The following MCM5 variants were observed in gnomAD, a reference collection of about 807,000 sequenced individuals.
MCM5 encodes DNA replication licensing factor MCM5.
A neutral mutation model predicts 79.9 loss-of-function variants in MCM5; 46 were observed. The ratio of observed to expected loss-of-function variants is 0.58; its 90% CI spans 0.45 to 0.74. MCM5 has a LOEUF of 0.74. Ranked by LOEUF, MCM5 falls within the 30% of genes least tolerant of loss-of-function variation. The probability of loss-of-function intolerance (pLI) is 0.00; values close to 1 mark genes in which losing one functional copy is unlikely to be tolerated. For missense variants in MCM5, 883 were observed against 1,017.0 expected (o/e 0.87, Z 1.79); for synonymous variants, 404 against 390.5 (o/e 1.03, Z -0.41).
rs746438340 is a variant in MCM5 at position 35,410,592 on chromosome 22, G to C, written c.753-152G>C. The C allele has an allele frequency of 8.4e-5, 62 of 733,742 alleles. No homozygotes were observed. The South Asian group carries it at 9.0e-4, about 11-fold the overall frequency. 45.5% of individuals were successfully genotyped at this position (733,742 alleles called of 1,614,324 possible). ...ACGTGGGGAGAGAGGCCGTTCTCTG[G>C]GCTCCGTGGGGCTGGAGCCAGCTCA... On this transcript the variant is annotated intron_variant, in intron 6 of 16. Transcript: ENST00000216122.
At chr22:35,434,531 A>C in the MCM5 span, among the ~76,000 whole-genome samples, 1 of 152,212 alleles carries the variant, frequency 6.6e-6, no homozygotes, top group African/African-American at 2.4e-5. Flanking sequence ...TGAGATGCCA[A>C]GATCAATTGG....
chr22:35,429,133 C>T (rs1302225668), downstream of MCM5, among the ~76,000 whole-genome samples: 1 of 151,816 alleles, frequency 6.6e-6, no homozygotes, highest in Admixed American at 6.6e-5. Flanking sequence ...TTACAGGTGC[C>T]TGCCACCATG....
chr22:35,400,301 TGG>T, intron 1 of MCM5, 93 bp downstream of exon 1: 1 of 928,214 alleles, frequency 1.1e-6, no homozygotes, highest in South Asian at 1.4e-5. Context: ...TCTCGGGAAC[TGG>T]GGTTGGAGTC....
chr22:35,424,118 C>A, intron 16 of MCM5, 36 bp from the exon 17 acceptor site: 2 of 1,406,824 alleles, frequency 1.4e-6, no homozygotes, highest in Non-Finnish European at 2.0e-6. Flanking sequence ...TCCCCTCGGG[C>A]AGCACGTGCC....
At chr22:35,423,381 G>A (rs758525351) in intron 16 of MCM5, 40 bp downstream of exon 16, 6 of 1,552,058 alleles carry the variant, frequency 3.9e-6, no homozygotes, top group East Asian at 4.7e-5. Context: ...CCGGCACGGG[G>A]TGCAGGTCTT....
At chr22:35,443,643 C>A in the MCM5 span, among the ~76,000 whole-genome samples, 2,881 of 152,298 alleles carry the variant, frequency 0.019, 86 homozygotes, top group African/African-American at 0.066. Flanking sequence ...ACCTTTCCAC[C>A]TTTCCAAATG....
intron 4 of MCM5, among the ~76,000 whole-genome samples, chr22:35,406,103 A>C (rs929298090): frequency 8.5e-5 from 13 of 152,156 alleles, no homozygotes; most frequent in Non-Finnish European, 1.3e-4. Context: ...CTCAAAGAGA[A>C]GTGACCCAGA....
chr22:35,428,820 GT>G (rs1932793810), downstream of MCM5, among the ~76,000 whole-genome samples: 1 of 151,704 alleles, frequency 6.6e-6, no homozygotes, highest in South Asian at 2.1e-4. Context: ...GTATTGTCTG[GT>G]CTGGAATCCT....
At chr22:35,415,773 A>G in intron 9 of MCM5, 56 bp from the exon 10 acceptor site, 5 of 1,583,450 alleles carry the variant, frequency 3.2e-6, no homozygotes, top group Non-Finnish European at 3.4e-6. Context: ...TTTTTGTCTT[A>G]TGGGGGTCAA....
downstream of MCM5, among the ~76,000 whole-genome samples, chr22:35,428,024 T>C (rs1215877952): frequency 1.8e-3 from 255 of 145,666 alleles, no homozygotes; most frequent in Middle Eastern, 7.2e-3. Flanking sequence ...TCTCTCTCTT[T>C]TTTTTTTTTT....
At chr22:35,406,305 C>CACT (rs1932213003) in intron 4 of MCM5, among the ~76,000 whole-genome samples, 1 of 144,878 alleles carries the variant, frequency 6.9e-6, no homozygotes, top group African/African-American at 2.6e-5. Context: ...CACCTCCCCC[C>CACT]CCAATTGTGC....
chr22:35,432,236 G>A, the MCM5 span, among the ~76,000 whole-genome samples: 1 of 152,204 alleles, frequency 6.6e-6, no homozygotes, highest in East Asian at 1.9e-4. Context: ...GATCCAGAAA[G>A]AACGTCAGCG....
At chr22:35,417,156 GA>G (rs1017410978) in intron 12 of MCM5, among the ~76,000 whole-genome samples, 6 of 152,128 alleles carry the variant, frequency 3.9e-5, no homozygotes, top group African/African-American at 7.2e-5. Flanking sequence ...ATTTTTCAAA[GA>G]AAAAAACATA....
intron 13 of MCM5, among the ~76,000 whole-genome samples, chr22:35,419,602 G>A (rs1932641855): frequency 6.6e-6 from 1 of 152,198 alleles, no homozygotes; most frequent in African/African-American, 2.4e-5. Context: ...TCTAACAGTG[G>A]GGAAGAGGCG....
Position 35,423,350 on chromosome 22 carries a change from G to A in MCM5, c.2103+9G>A. The A allele has an allele frequency of 1.3e-6, 2 of 1,589,590 alleles. No homozygotes were observed. Among genetic ancestry groups the A allele is most frequent in the South Asian group, 1.1e-5 (1 of 88,874 alleles). On this transcript the variant is annotated intron_variant, in intron 16 of 16. Coordinates refer to ENST00000216122, the MANE Select transcript of MCM5 (RefSeq NM_006739.4). ...AGGACTTCACCAAGCAGGTGAGCCT[G>A]CCTTGGAGTGGGGGTGTGAGCCGGC...
chr22:35,434,308 G>T, the MCM5 span, among the ~76,000 whole-genome samples: 2 of 151,696 alleles, frequency 1.3e-5, no homozygotes, highest in Non-Finnish European at 2.9e-5. Flanking sequence ...GGATTCCGTT[G>T]TCTGTCACTG....
chr22:35,426,888 G>C (rs552118323), downstream of MCM5, among the ~76,000 whole-genome samples: 156 of 152,304 alleles, frequency 1.0e-3, no homozygotes, highest in Admixed American at 2.4e-3. Flanking sequence ...TCACCACTAT[G>C]AGAGCCGCTC....
the MCM5 span, among the ~76,000 whole-genome samples, chr22:35,450,961 A>G: frequency 6.6e-6 from 1 of 152,178 alleles, no homozygotes; most frequent in African/African-American, 2.4e-5. Context: ...CAAGTGCTCA[A>G]GTGGTTGTAG....
chr22:35,403,814 G>C (rs4239878), intron 4 of MCM5, among the ~76,000 whole-genome samples: 1 of 151,342 alleles, frequency 6.6e-6, no homozygotes, highest in Admixed American at 6.6e-5. Context: ...TTTCTTTTTT[G>C]CTAAAGAATT....
Sources: allele counts gnomAD v4.1 joint callset (sites outside exome capture counted in the v4.1 genomes callset), GRCh38; gene constraint gnomAD v4.1.1; transcripts MANE v1.5; gene names NCBI Gene and HGNC (gene_info 2026-07-23, HGNC 2026-07-21).